Variants in CFAP73 observed in about 807,000 individuals in gnomAD.
CFAP73 encodes the protein cilia and flagella associated protein 73.
A neutral mutation model predicts 42.9 loss-of-function variants in CFAP73; 33 were observed. The observed-to-expected ratio is 0.77, with a 90% CI of 0.58 to 1.03. The LOEUF is 1.03. Ranked by LOEUF, CFAP73 falls within the 50% of genes least tolerant of loss-of-function variation. The pLI is 0.00. For synonymous variants in CFAP73, 162 were observed against 186.8 expected, an observed-to-expected ratio of 0.87 and a Z score of 1.08; for missense variants, 392 against 411.9, an observed-to-expected ratio of 0.95 and a Z score of 0.42.
Position 113,154,304 on chromosome 12 carries a change from C to T in CFAP73, c.469-110C>T. The T allele has an allele frequency of 7.6e-7, 1 of 1,321,600 alleles. No homozygotes were observed. Among genetic ancestry groups the T allele is most frequent in the South Asian group, 1.3e-5 (1 of 77,958 alleles). The allele number at this position is 1,321,600 out of a possible 1,614,324, so 81.9% of individuals were successfully genotyped here. A position where few individuals can be genotyped will look rare whatever the true frequency, so the allele number is the denominator to read the frequency against. On this transcript the variant is annotated intron_variant, in intron 4 of 7. Coordinates refer to ENST00000335621, the MANE Select transcript of CFAP73 (RefSeq NM_001144872.3). The surrounding 1 kb of genome is among the most constrained non-coding windows in gnomAD (Gnocchi z 4.7). ...AACAAATGGAGGTTGACATTTAAGT[C>T]ACTTTCCAGAAAGATTATTCCAATA...
Position 113,158,928 on chromosome 12 carries a change from G to T in CFAP73, c.*239G>T. On this transcript the variant is annotated 3_prime_UTR_variant, in exon 8 of 8. Coordinates refer to ENST00000335621, the MANE Select transcript of CFAP73 (RefSeq NM_001144872.3). This position sits in a 1 kb window ranked among gnomAD's most constrained non-coding sequence, Gnocchi z 4.9. ...TCTTGGAGCGGGCACCCCGGCCGAAGGCGCCCTGCTGCAGCTCCTGGACGC... is the reference window on the plus strand; with the variant it reads ...TCTTGGAGCGGGCACCCCGGCCGAATGCGCCCTGCTGCAGCTCCTGGACGC... 6.2e-7 allele frequency: 1 copy of T among 1,609,646 alleles called. No homozygotes were observed. The highest frequency in any genetic ancestry group is 1.1e-5 in the South Asian group (1 of 90,906).
At chr12:113,156,023 C>T (rs915049374) in intron 6 of CFAP73, among the ~76,000 whole-genome samples, 1 of 151,402 alleles carries the variant, frequency 6.6e-6, no homozygotes, top group African/African-American at 2.4e-5. Flanking sequence ...TGCCTCCTGG[C>T]GATTCTCCTG....
At chr12:113,150,145 A>G (rs1050174492) in intron 1 of CFAP73, among the ~76,000 whole-genome samples, 5 of 152,116 alleles carry the variant, frequency 3.3e-5, no homozygotes, top group African/African-American at 9.7e-5. Flanking sequence ...CTGAGATTAA[A>G]TCATTCAAAC....
intron 6 of CFAP73, 41 bp from the exon 7 acceptor site, chr12:113,157,561 A>C: frequency 6.5e-7 from 1 of 1,529,012 alleles, no homozygotes; most frequent in Non-Finnish European, 8.9e-7. Flanking sequence ...CTGGACAGTG[A>C]CTCTGGGGCT....
At chr12:113,157,949 A>G (rs1342291802) in intron 7 of CFAP73, 2 of 511,206 alleles carry the variant, frequency 3.9e-6, no homozygotes, top group Non-Finnish European at 7.0e-6. Context: ...AGATCAGACC[A>G]GGCCCTCCCT....
intron 7 of CFAP73, 169 bp downstream of exon 7, chr12:113,157,859 G>C (rs1952152221): frequency 1.6e-6 from 1 of 615,266 alleles, no homozygotes; most frequent in African/African-American, 1.8e-5. Flanking sequence ...CACATAGCAA[G>C]CACTCCATAA....
chr12:113,149,763 G>A lies in CFAP73; in HGVS notation c.-95G>A. The stretch of plus-strand genomic sequence containing the variant: ...GCTGCCTTCTGGGCCGAGCTGAGCA[G>A]GCTTCCACACCACGCTCCACAGAAC... On this transcript the variant is annotated 5_prime_UTR_variant, in exon 1 of 8. Transcript: ENST00000335621. The A allele has an allele frequency of 1.5e-5, 20 of 1,307,870 alleles. No homozygotes were observed. The highest frequency in any genetic ancestry group is 2.0e-5 in the Non-Finnish European group (19 of 933,034). The allele number at this position is 1,307,870 out of a possible 1,614,324, so 81.0% of individuals were successfully genotyped here.
Position 113,157,677 on chromosome 12 carries a change from T to G in CFAP73, c.925T>G (p.Ter309GluextTer2). 6.4e-7 allele frequency: 1 copy of G among 1,551,374 alleles called. No individual in the cohort carries two copies. The highest frequency in any genetic ancestry group is 8.7e-7 in the Non-Finnish European group (1 of 1,146,854). ...GGCTGAGCCTGCAGCCCCTGCCTCC[T>G]AGCCCTGACACAGGTGAGCAGCGGG... ...GQAEPAAPAS[*>E] The change falls in exon 7 of 8, where the codon TAG (stop) becomes GAG (glutamate). Residue 309 changes from the stop codon to glutamate, a stop_lost. Coordinates refer to ENST00000335621, the MANE Select transcript of CFAP73 (RefSeq NM_001144872.3).
intron 1 of CFAP73, among the ~76,000 whole-genome samples, chr12:113,151,491 T>TATA (rs942392196): frequency 1.3e-4 from 20 of 151,376 alleles, no homozygotes; most frequent in African/African-American, 4.6e-4. Context: ...TCAAAAACTA[T>TATA]ATAATAATAA....
At chr12:113,152,959 G>A in intron 3 of CFAP73, 72 bp downstream of exon 3, 1 of 1,089,826 alleles carries the variant, frequency 9.2e-7, no homozygotes, top group South Asian at 1.4e-5. Context: ...GGCCCGGCAG[G>A]TAACAAAAAT....
chr12:113,154,443 C>T lies in CFAP73; in HGVS notation c.498C>T (p.Arg166=), dbSNP rs906958932. ...AAGAGGTTCCGGAGCTGGTGGCGCG[C>T]TTCGACGGCCTGGCCGAGACGCAGG... ...GFQEVPELVA[R]FDGLAETQAA... Residue 166 remains arginine, a synonymous_variant, in exon 5 of 8, where the codon CGC becomes CGT. Transcript: ENST00000335621. This position sits in a 1 kb window ranked among gnomAD's most constrained non-coding sequence, Gnocchi z 4.7. 3 of 1,547,242 alleles carry T rather than the reference C, an allele frequency of 1.9e-6. No homozygotes were observed. In the African/African-American group the frequency reaches 4.1e-5, roughly 21 times the overall value.
Position 113,152,157 on chromosome 12 carries a change from C to T in CFAP73, c.162+134C>T, listed in dbSNP as rs577101083. ...GATTTCCTCATCGTCAAATGGGGAT[C>T]AAATGAGACCAGTTGTTGGTGCAAA... is the stretch of plus-strand genomic sequence containing the variant. On this transcript the variant is annotated intron_variant, in intron 2 of 7. Coordinates refer to ENST00000335621, the MANE Select transcript of CFAP73 (RefSeq NM_001144872.3). 173 of 644,280 alleles carry T rather than the reference C, an allele frequency of 2.7e-4. 1 individual carries two copies. In the African/African-American group the frequency reaches 3.0e-3, roughly 11 times the overall value. The allele number at this position is 644,280 out of a possible 1,614,324, so 39.9% of individuals were successfully genotyped here.
chr12:113,152,842 G>A lies in CFAP73; in HGVS notation c.222G>A (p.Glu74=), dbSNP rs1389213797. The A allele has an allele frequency of 6.4e-7, 1 of 1,551,620 alleles. No homozygotes were observed. The highest frequency in any genetic ancestry group is 2.4e-5 in the East Asian group (1 of 40,934). ...KQRWEQLEQK[E]RELKGSFIRF... is the part of the protein sequence containing the mutation. ...GTTGGGAACAGCTGGAACAAAAGGA[G>A]CGGGAGCTAAAGGGATCGTTCATCC... is the stretch of plus-strand genomic sequence containing the variant. Residue 74 remains glutamate (E), a synonymous_variant, in exon 3 of 8, where the codon GAG becomes GAA. Coordinates refer to ENST00000335621, the MANE Select transcript of CFAP73 (RefSeq NM_001144872.3).
At chr12:113,157,488 A>T in intron 6 of CFAP73, 114 bp from the exon 7 acceptor site, 2 of 783,812 alleles carry the variant, frequency 2.6e-6, no homozygotes, top group Non-Finnish European at 4.2e-6. Context: ...CTGTTCTTTT[A>T]ATGAGGGGAT....
chr12:113,155,225 T>A (rs1427260674), intron 5 of CFAP73, 35 bp from the exon 6 acceptor site: 1 of 1,488,344 alleles, frequency 6.7e-7, no homozygotes, highest in Non-Finnish European at 9.0e-7. Flanking sequence ...CTTGGCCCAG[T>A]TGCCATAATT....
chr12:113,155,354 T>A lies in CFAP73; in HGVS notation c.785T>A (p.Val262Glu). 6.4e-7 allele frequency: 1 copy of A among 1,551,468 alleles called. No homozygotes were observed. Among genetic ancestry groups the A allele is most frequent in the South Asian group, 1.2e-5 (1 of 84,032 alleles). The change falls in exon 6 of 8, where the codon GTG (valine) becomes GAG (glutamate). Residue 262 changes from valine to glutamate, a missense_variant. Coordinates refer to ENST00000335621, the MANE Select transcript of CFAP73 (RefSeq NM_001144872.3). ...GCTGTGCTCAACCTGTTCCAGCTAG[T>A]GTGCCAGCATCAGGGGCAGCCTCCC... is the stretch of plus-strand genomic sequence containing the variant. ...RMAVLNLFQL[V>E]CQHQGQPPTL...
At chr12:113,157,476 C>T (rs1315644508) in intron 6 of CFAP73, 126 bp from the exon 7 acceptor site, 1 of 745,266 alleles carries the variant, frequency 1.3e-6, no homozygotes, top group Non-Finnish European at 2.3e-6. Flanking sequence ...CCACCATCAT[C>T]ACTGTTCTTT....
In CFAP73 at chr12:113,159,000, G is replaced by C. The variant is rs371409328; in HGVS notation, c.*311G>C. ...GCTGCTTGAGGCCACCACGCTGCAG[G>C]AAGTGCAGCTTCTGGGCCCGGCGCC... On this transcript the variant is annotated 3_prime_UTR_variant, in exon 8 of 8. Transcript: ENST00000335621. The surrounding 1 kb of genome is among the most constrained non-coding windows in gnomAD (Gnocchi z 4.9). 4 of 1,611,716 alleles carry C rather than the reference G, an allele frequency of 2.5e-6. No individual in the cohort carries two copies. The highest frequency in any genetic ancestry group is 3.4e-6 in the Non-Finnish European group (4 of 1,179,370).
At chr12:113,155,467 T>C (rs763654372) in intron 6 of CFAP73, 49 bp downstream of exon 6, 4 of 1,498,366 alleles carry the variant, frequency 2.7e-6, no homozygotes, top group South Asian at 1.3e-5. Flanking sequence ...ACTCCCTCTT[T>C]GGAAAAATGA....
Sources: allele counts gnomAD v4.1 joint callset (sites outside exome capture counted in the v4.1 genomes callset), GRCh38; gene constraint gnomAD v4.1.1; non-coding constraint Gnocchi (gnomAD v3.1); transcripts MANE v1.5; gene names NCBI Gene and HGNC (gene_info 2026-07-23, HGNC 2026-07-21).